Variants in SLC71A2 observed in about 807,000 individuals in gnomAD.
The protein encoded by SLC71A2 is hippocampus abundant transcript-like 1.
chr9:94,410,912 C>T, the SLC71A2 span, among the ~76,000 whole-genome samples: 3 of 152,196 alleles, frequency 2.0e-5, no homozygotes, highest in Non-Finnish European at 4.4e-5. Flanking sequence ...ATTACAGGCA[C>T]TTGCCATCAC....
At chr9:94,432,542 T>C in the SLC71A2 span, 1 of 153,062 alleles carries the variant, frequency 6.5e-6, no homozygotes, top group African/African-American at 2.4e-5. Context: ...GGAGCTCCAG[T>C]GGCTTCTGCA....
chr9:94,455,718 C>T, the SLC71A2 span, among the ~76,000 whole-genome samples: 1 of 152,086 alleles, frequency 6.6e-6, no homozygotes, highest in East Asian at 1.9e-4. Context: ...CATACTGATA[C>T]ATAGTTAAGA....
chr9:94,432,478 CAACAAG>C, the SLC71A2 span, among the ~76,000 whole-genome samples: 2 of 152,038 alleles, frequency 1.3e-5, no homozygotes, highest in Non-Finnish European at 2.9e-5. Flanking sequence ...CCAGCCTGGG[CAACAAG>C]AACGAAACTC....
At chr9:94,455,812 A>AGG in the SLC71A2 span, among the ~76,000 whole-genome samples, 1 of 152,108 alleles carries the variant, frequency 6.6e-6, no homozygotes, top group Non-Finnish European at 1.5e-5. Context: ...CTCTCTGTTG[A>AGG]GGGGTAGCAA....
At chr9:94,460,682 AT>A in the SLC71A2 span, 15,863 of 151,112 alleles carry the variant, frequency 0.1, 872 homozygotes, top group Middle Eastern at 0.16. Flanking sequence ...AAGGGTTTTA[AT>A]TTTTTTTTTT....
At chr9:94,402,970 GTCTCTAGAATTTTTTCA>G in the SLC71A2 span, among the ~76,000 whole-genome samples, 1 of 152,032 alleles carries the variant, frequency 6.6e-6, no homozygotes, top group Non-Finnish European at 1.5e-5. Context: ...ACCACTATCT[GTCTCTAGAATTTTTTCA>G]TCATCCCAAA....
At chr9:94,458,421 C>CT in the SLC71A2 span, 2 of 1,613,916 alleles carry the variant, frequency 1.2e-6, no homozygotes, top group Non-Finnish European at 1.7e-6. Context: ...GTGGAACTGA[C>CT]TGAGTTGGGC....
the SLC71A2 span, among the ~76,000 whole-genome samples, chr9:94,449,879 G>A: frequency 5.9e-5 from 9 of 152,208 alleles, no homozygotes; most frequent in African/African-American, 2.2e-4. Context: ...TAATTATTCA[G>A]CAGTAAAAAG....
the SLC71A2 span, among the ~76,000 whole-genome samples, chr9:94,390,162 C>T: frequency 6.6e-6 from 1 of 151,868 alleles, no homozygotes; most frequent in African/African-American, 2.4e-5. Flanking sequence ...TGCAGTGAGC[C>T]GAGATCGCGC....
At chr9:94,459,552 A>G in the SLC71A2 span, 539 of 720,282 alleles carry the variant, frequency 7.5e-4, 5 homozygotes, top group South Asian at 6.6e-3. Flanking sequence ...CACCGCCATC[A>G]TTCTGCTCAT....
chr9:94,425,590 G>A, the SLC71A2 span, among the ~76,000 whole-genome samples: 1 of 152,138 alleles, frequency 6.6e-6, no homozygotes, highest in Non-Finnish European at 1.5e-5. Context: ...GATCTGGGTG[G>A]TGCCAGCTGA....
chr9:94,378,474 A>G, the SLC71A2 span, among the ~76,000 whole-genome samples: 2 of 152,042 alleles, frequency 1.3e-5, no homozygotes, highest in Non-Finnish European at 2.9e-5. Flanking sequence ...CTAAAAATAC[A>G]AAAATTAGCC....
the SLC71A2 span, among the ~76,000 whole-genome samples, chr9:94,452,665 AT>A: frequency 4.1e-5 from 2 of 49,080 alleles, no homozygotes; most frequent in East Asian, 5.3e-4. Flanking sequence ...ATTCATATAT[AT>A]TCATATATAT....
chr9:94,408,484 A>C, the SLC71A2 span, among the ~76,000 whole-genome samples: 1 of 151,850 alleles, frequency 6.6e-6, no homozygotes. Context: ...TTAATTCTTA[A>C]CTCTGCTGGA....
the SLC71A2 span, chr9:94,459,307 C>A: frequency 6.2e-7 from 1 of 1,614,110 alleles, no homozygotes; most frequent in African/African-American, 1.3e-5. Flanking sequence ...TGACCAACAC[C>A]CCAGAACGGG....
chr9:94,391,705 T>C, the SLC71A2 span, among the ~76,000 whole-genome samples: 1 of 148,240 alleles, frequency 6.7e-6, no homozygotes, highest in Non-Finnish European at 1.5e-5. Context: ...CTGGCCAACA[T>C]AGTGAAACTC....
At chr9:94,436,464 C>T in the SLC71A2 span, among the ~76,000 whole-genome samples, 1 of 152,330 alleles carries the variant, frequency 6.6e-6, no homozygotes, top group African/African-American at 2.4e-5. Context: ...ACAACTCCTT[C>T]CCTGTGTCCA....
At chr9:94,422,929 T>G in the SLC71A2 span, among the ~76,000 whole-genome samples, 1 of 132,488 alleles carries the variant, frequency 7.5e-6, no homozygotes, top group Non-Finnish European at 1.6e-5. Context: ...TGGATTGTCT[T>G]TCTTCCTTTT....
chr9:94,459,015 G>A, the SLC71A2 span: 1 of 866,542 alleles, frequency 1.2e-6, no homozygotes, highest in South Asian at 1.7e-5. Context: ...CTCTAGTGGA[G>A]TTTGCCTTGA....
Sources: gnomAD v4.1 joint callset for allele counts (sites outside exome capture counted in the v4.1 genomes callset) on GRCh38, gnomAD v4.1.1 for gene constraint, MANE v1.5 for transcripts, NCBI Gene and HGNC (gene_info 2026-07-23, HGNC 2026-07-21) for gene names.